The following SLC7A14 variants were observed in gnomAD, a reference collection of about 807,000 sequenced individuals.
The protein encoded by SLC7A14 is gamma-aminobutyric acid transporter SLC7A14.
SLC7A14 carries 37 observed loss-of-function variants against 60.2 expected under a neutral mutation model. The observed-to-expected ratio is 0.61, with a 90% confidence interval of 0.47 to 0.81. The LOEUF is 0.81. Ranked by LOEUF, SLC7A14 falls within the 30% of genes least tolerant of loss-of-function variation. The pLI, the probability that SLC7A14 is intolerant of heterozygous loss-of-function variation, is 0.00. For synonymous variants in SLC7A14, 399 were observed against 395.8 expected (o/e 1.01, Z -0.10); for missense variants, 886 against 982.7 (o/e 0.90, Z 1.32).
At chr3:170,501,467 T>TTGTG (rs1358429110) in intron 2 of SLC7A14, 122 bp from the exon 3 acceptor site, 4 of 801,818 alleles carry the variant, frequency 5.0e-6, no homozygotes, top group Non-Finnish European at 8.1e-6. Context: ...ACACAAAGTT[T>TTGTG]TATGTATATG....
chr3:170,469,257 CTT>C (rs1739812979), intron 7 of SLC7A14, among the ~76,000 whole-genome samples: 1 of 152,154 alleles, frequency 6.6e-6, no homozygotes, highest in Non-Finnish European at 1.5e-5. Context: ...ATCTTGCTCT[CTT>C]TTGAATTTGA....
At chr3:170,553,993 A>G (rs1210386511) in intron 1 of SLC7A14, among the ~76,000 whole-genome samples, 1 of 152,144 alleles carries the variant, frequency 6.6e-6, no homozygotes, top group Non-Finnish European at 1.5e-5. Context: ...TCCACTGCCT[A>G]CAGATGGCAC....
intron 2 of SLC7A14, among the ~76,000 whole-genome samples, chr3:170,506,456 CG>C (rs1483158759): frequency 2.0e-5 from 3 of 152,098 alleles, no homozygotes; most frequent in Non-Finnish European, 4.4e-5. Flanking sequence ...GACAAGGTAC[CG>C]GGAGATTCTC....
Position 170,501,230 on chromosome 3 carries a change from G to A in SLC7A14, c.420C>T (p.Ile140=). The stretch of plus-strand genomic sequence containing the variant: ...CCGCAGTGCCAATCAGGTACTCCAG[G>A]ATCAGGTTCCAGCCAATGAAAAATG... The part of the protein sequence containing the change: ...FVAFFIGWNL[I]LEYLIGTAAG... Residue 140 remains isoleucine (I), a synonymous_variant, in exon 3 of 8, where the codon ATC becomes ATT. Coordinates refer to ENST00000231706, the MANE Select transcript of SLC7A14 (RefSeq NM_020949.3). The A allele has an allele frequency of 1.2e-6, 2 of 1,614,136 alleles. No homozygotes were observed. The highest frequency in any genetic ancestry group is 1.7e-5 in the Admixed American group (1 of 60,026).
At chr3:170,515,914 T>A (rs973431033) in intron 2 of SLC7A14, among the ~76,000 whole-genome samples, 1 of 152,196 alleles carries the variant, frequency 6.6e-6, no homozygotes, top group Non-Finnish European at 1.5e-5. Flanking sequence ...CATATTGATA[T>A]CAAGCCCTTT....
At chr3:170,570,801 C>G (rs1577571451) in intron 1 of SLC7A14, among the ~76,000 whole-genome samples, 1 of 152,124 alleles carries the variant, frequency 6.6e-6, no homozygotes, top group Admixed American at 6.6e-5. Context: ...AAATTAATGT[C>G]ATTTCTTTTC....
At chr3:170,564,719 T>C (rs1381320320) in intron 1 of SLC7A14, among the ~76,000 whole-genome samples, 2 of 152,252 alleles carry the variant, frequency 1.3e-5, no homozygotes, top group African/African-American at 4.8e-5. Context: ...CTTATAGGAC[T>C]GTTGCCCTAA....
At chr3:170,519,356 G>A (rs184122211) in intron 2 of SLC7A14, among the ~76,000 whole-genome samples, 2 of 152,270 alleles carry the variant, frequency 1.3e-5, no homozygotes, top group East Asian at 3.9e-4. Context: ...TGTAATTCTG[G>A]AGTTGGCAAT....
At position 170,526,530 on chromosome 3, in the gene SLC7A14, A is replaced by T. The variant is rs190926198; in HGVS notation, c.304+103T>A. 6 of 1,407,570 alleles carry T rather than the reference A, an allele frequency of 4.3e-6. No individual in the cohort carries two copies. In the African/African-American group the frequency reaches 8.5e-5, roughly 20 times the overall value. 87.2% of individuals were successfully genotyped at this position (1,407,570 alleles called of 1,614,324 possible). On this transcript the variant is annotated intron_variant, in intron 2 of 7. Coordinates refer to ENST00000231706, the MANE Select transcript of SLC7A14 (RefSeq NM_020949.3). ...GAGCATGATGATCCACTTTTCTGCC[A>T]CTTCATACATCTCACCACTAAATAC...
chr3:170,476,717 A>C (rs925438544), intron 7 of SLC7A14: 2 of 152,236 alleles, frequency 1.3e-5, no homozygotes, highest in African/African-American at 4.8e-5. Flanking sequence ...TTTCTCATTT[A>C]AGCCCCAAAG....
chr3:170,498,477 GA>G lies in SLC7A14; in HGVS notation c.759+189del, dbSNP rs1027517399. The stretch of plus-strand genomic sequence containing the variant: ...AATAAGATCTTAACAAATGCCTGTG[GA>G]AAAAAAAACAACACACAAGAACCAC... On this transcript the variant is annotated intron_variant, in intron 4 of 7. Transcript: ENST00000231706. Among the ~76,000 whole-genome samples the G allele has an allele frequency of 2.0e-4, 30 of 149,404 alleles. No homozygotes were observed. In the South Asian group the frequency reaches 6.0e-3, roughly 30 times the overall value.
At chr3:170,560,146 A>C (rs1714606005) in intron 1 of SLC7A14, among the ~76,000 whole-genome samples, 1 of 152,194 alleles carries the variant, frequency 6.6e-6, no homozygotes, top group South Asian at 2.1e-4. Flanking sequence ...TATCATTTTA[A>C]ATTTAAGTTT....
At chr3:170,570,958 C>T (rs779396575) in intron 1 of SLC7A14, among the ~76,000 whole-genome samples, 18 of 151,948 alleles carry the variant, frequency 1.2e-4, no homozygotes, top group Non-Finnish European at 2.2e-4. Flanking sequence ...GTGCATTGTA[C>T]CCAACAGGTG....
rs536656757 is a variant in SLC7A14, at chr3:170,467,480, G to C, written c.1994-103C>G. The C allele has an allele frequency of 1.1e-3, 755 of 677,316 alleles. 2 individuals carry two copies. The African/African-American group carries it at 0.013, about 11-fold the overall frequency. 42.0% of individuals were successfully genotyped at this position (677,316 alleles called of 1,614,324 possible). On this transcript the variant is annotated intron_variant, in intron 7 of 7. Transcript: ENST00000231706. ...GTGATGAAATCAAAGCTGGCGGGGT[G>C]GGGGGCGGTGGGGGCGGGGATGTAT...
intron 7 of SLC7A14, among the ~76,000 whole-genome samples, chr3:170,477,678 C>T (rs1319990439): frequency 6.6e-6 from 1 of 152,156 alleles, no homozygotes; most frequent in East Asian, 1.9e-4. Flanking sequence ...AGTCTCTTTC[C>T]AAGTAATAGT....
chr3:170,512,411 G>T (rs551437925), intron 2 of SLC7A14, among the ~76,000 whole-genome samples: 2 of 152,242 alleles, frequency 1.3e-5, no homozygotes, highest in Non-Finnish European at 2.9e-5. Flanking sequence ...TTCATGACAG[G>T]GATGCCAACA....
At chr3:170,574,422 C>T (rs1715033139) in intron 1 of SLC7A14, among the ~76,000 whole-genome samples, 1 of 152,154 alleles carries the variant, frequency 6.6e-6, no homozygotes, top group Admixed American at 6.5e-5. Context: ...TGCCCAATTG[C>T]CTGGTCTCTG....
chr3:170,496,524 C>A (rs1462884253), intron 4 of SLC7A14: 10 of 1,560,982 alleles, frequency 6.4e-6, no homozygotes, highest in Non-Finnish European at 8.8e-6. Flanking sequence ...GCGGGCCAAG[C>A]AGGACATGGC....
At chr3:170,505,659 G>T (rs1368513546) in intron 2 of SLC7A14, among the ~76,000 whole-genome samples, 3 of 152,170 alleles carry the variant, frequency 2.0e-5, no homozygotes, top group Admixed American at 6.5e-5. Context: ...GGCGAGGCGG[G>T]TGGATCACCT....
Sources: gnomAD v4.1 joint callset for allele counts (sites outside exome capture counted in the v4.1 genomes callset) on GRCh38, gnomAD v4.1.1 for gene constraint, MANE v1.5 for transcripts, NCBI Gene and HGNC (gene_info 2026-07-23, HGNC 2026-07-21) for gene names.